LDLRAD4: variants seen among roughly 807,000 people sequenced by gnomAD.
The protein encoded by LDLRAD4 is low-density lipoprotein receptor class A domain-containing protein 4.
Under a neutral mutation model 17.0 loss-of-function variants are expected in LDLRAD4, and 5 were observed. The observed-to-expected ratio is 0.29, with a 90% confidence interval of 0.15 to 0.62. LDLRAD4 has a LOEUF of 0.62. Among genes scored for constraint, LDLRAD4 ranks in the 20% least tolerant of loss-of-function variants. The pLI, the probability that LDLRAD4 is intolerant of heterozygous loss-of-function variation, is 0.84. For missense variants in LDLRAD4, 340 were observed against 424.7 expected (o/e 0.80, Z 1.75); for synonymous variants, 168 against 171.8 (o/e 0.98, Z 0.17).
At chr18:13,384,791 C>T (rs562831465) in intron 1 of LDLRAD4, among the ~76,000 whole-genome samples, 80 of 152,306 alleles carry the variant, frequency 5.3e-4, no homozygotes, top group Middle Eastern at 3.4e-3. Context: ...CCCGTTTCAT[C>T]CATGTTGTTG....
intron 1 of LDLRAD4, among the ~76,000 whole-genome samples, chr18:13,244,569 A>G (rs1324892553): frequency 6.6e-6 from 1 of 152,256 alleles, no homozygotes; most frequent in Non-Finnish European, 1.5e-5. Context: ...ATAATTACGA[A>G]TGAATCCTTG....
At position 13,386,201 on chromosome 18, in the gene LDLRAD4, G is replaced by A. The variant is rs543354542; in HGVS notation, c.-382-1140G>A. ...TTGGTTATAAATTGATTAGGATGAA[G>A]TGATAACATAAAAGAGGTTTCTTTT... On this transcript the variant is annotated intron_variant, in intron 1 of 5. Coordinates refer to ENST00000359446, the Ensembl canonical transcript of LDLRAD4. Among the ~76,000 whole-genome samples the A allele has an allele frequency of 7.4e-4, 112 of 152,312 alleles. 1 individual carries two copies. The South Asian group carries it at 0.017, about 23-fold the overall frequency.
chr18:13,474,479 A>G (rs2092884863), intron 3 of LDLRAD4, among the ~76,000 whole-genome samples: 1 of 152,226 alleles, frequency 6.6e-6, no homozygotes, highest in East Asian at 1.9e-4. Context: ...GATCCAAGCC[A>G]TTGCTCCCTC....
chr18:13,370,729 GAGA>G (rs2084432122), intron 1 of LDLRAD4, among the ~76,000 whole-genome samples: 11 of 100,838 alleles, frequency 1.1e-4, no homozygotes, highest in South Asian at 3.1e-4. Context: ...TTTTTTTTTT[GAGA>G]TGGATTCTTG....
intron 1 of LDLRAD4, among the ~76,000 whole-genome samples, chr18:13,269,303 C>T (rs1350115625): frequency 1.3e-5 from 2 of 152,158 alleles, no homozygotes; most frequent in African/African-American, 4.8e-5. Context: ...TTTCAGTGGT[C>T]TCATAGAGAA....
chr18:13,651,591 A>T (rs915774389), exon 6 of LDLRAD4: 4 of 152,210 alleles, frequency 2.6e-5, no homozygotes, highest in African/African-American at 9.7e-5. Context: ...TTAGTGTCTG[A>T]TTGTGACCTC....
At position 13,622,389 on chromosome 18, in the gene LDLRAD4, G is replaced by T. The variant is rs1179368034; in HGVS notation, c.336+1118G>T. ...TACCGAGTGCTATCTTCAGACCATG[G>T]TGAGGGCTAGACGGGGCAGCCTCGG... On this transcript the variant is annotated intron_variant, in intron 4 of 5. Transcript: ENST00000359446. This position sits in a 1 kb window ranked among gnomAD's most constrained non-coding sequence, Gnocchi z 5.3. 6.6e-6 allele frequency among the ~76,000 whole-genome samples: 1 copy of T among 152,212 alleles called. No homozygotes were observed. The highest frequency in any genetic ancestry group is 1.5e-5 in the Non-Finnish European group (1 of 68,024).
chr18:13,452,926 G>A (rs1056488132), intron 3 of LDLRAD4, among the ~76,000 whole-genome samples: 2 of 152,138 alleles, frequency 1.3e-5, no homozygotes, highest in African/African-American at 4.8e-5. Flanking sequence ...CAACGTCCTG[G>A]GGCAAGTGAG....
chr18:13,323,075 G>A (rs1657366394), intron 1 of LDLRAD4, among the ~76,000 whole-genome samples: 1 of 152,338 alleles, frequency 6.6e-6, no homozygotes, highest in Middle Eastern at 3.4e-3. Flanking sequence ...CTTTTATGAA[G>A]CTTGCTCAGG....
chr18:13,342,319 T>G (rs1164676315), intron 1 of LDLRAD4, among the ~76,000 whole-genome samples: 1 of 151,972 alleles, frequency 6.6e-6, no homozygotes, highest in Non-Finnish European at 1.5e-5. Flanking sequence ...TGTTAATCCT[T>G]CTTAAATGTT....
intron 3 of LDLRAD4, among the ~76,000 whole-genome samples, chr18:13,576,437 A>G (rs867549032): frequency 1.7e-3 from 145 of 83,668 alleles, no homozygotes; most frequent in South Asian, 3.4e-3. Context: ...AAAAAAAAAA[A>G]AAAGAAAGAA....
intron 4 of LDLRAD4, among the ~76,000 whole-genome samples, chr18:13,636,633 T>C (rs1485546384): frequency 1.3e-5 from 2 of 151,952 alleles, no homozygotes; most frequent in African/African-American, 4.8e-5. Context: ...GTAGCTGGGA[T>C]TGTAGGCGTG....
chr18:13,619,032 C>A (rs992679030), intron 3 of LDLRAD4, among the ~76,000 whole-genome samples: 1 of 152,244 alleles, frequency 6.6e-6, no homozygotes, highest in African/African-American at 2.4e-5. Context: ...GCTGTCCTCA[C>A]AGAGAACACA....
At chr18:13,643,023 C>T (rs927342602) in intron 4 of LDLRAD4, among the ~76,000 whole-genome samples, 2 of 151,618 alleles carry the variant, frequency 1.3e-5, no homozygotes, top group East Asian at 1.9e-4. Context: ...GCAACCTCCG[C>T]GTCCCAGGTT....
chr18:13,533,000 C>T (rs2147846616), intron 3 of LDLRAD4, among the ~76,000 whole-genome samples: 1 of 152,338 alleles, frequency 6.6e-6, no homozygotes, highest in South Asian at 2.1e-4. Flanking sequence ...CCTCGTTTGG[C>T]TGGAAATAGT....
intron 2 of LDLRAD4, among the ~76,000 whole-genome samples, chr18:13,422,149 G>A (rs2089526804): frequency 6.6e-6 from 1 of 152,168 alleles, no homozygotes; most frequent in Non-Finnish European, 1.5e-5. Context: ...CCATTATTGT[G>A]CCATTCCTTT....
At chr18:13,650,148 A>G in exon 6 of LDLRAD4, 1 of 398,854 alleles carries the variant, frequency 2.5e-6, no homozygotes. Flanking sequence ...AGTGGTCTAC[A>G]TTTTTTAGGA....
At chr18:13,351,571 C>T (rs1011064681) in intron 1 of LDLRAD4, among the ~76,000 whole-genome samples, 2 of 151,908 alleles carry the variant, frequency 1.3e-5, no homozygotes, top group African/African-American at 2.4e-5. Context: ...ATGTTGTCTT[C>T]GGTTGAATCC....
chr18:13,370,392 G>A (rs1405120530), intron 1 of LDLRAD4, among the ~76,000 whole-genome samples: 3 of 152,230 alleles, frequency 2.0e-5, no homozygotes, highest in Non-Finnish European at 4.4e-5. Flanking sequence ...GATGGACACC[G>A]AGGGGAACAG....
Sources: allele counts gnomAD v4.1 joint callset (sites outside exome capture counted in the v4.1 genomes callset), GRCh38; gene constraint gnomAD v4.1.1; non-coding constraint Gnocchi (gnomAD v3.1); transcripts MANE v1.5; gene names NCBI Gene and HGNC (gene_info 2026-07-23, HGNC 2026-07-21).